RGS6: variants seen among roughly 807,000 people sequenced by gnomAD.
The protein encoded by RGS6 is regulator of G-protein signaling 6.
Under a neutral mutation model 78.5 loss-of-function variants are expected in RGS6, and 30 were observed. The ratio of observed to expected loss-of-function variants is 0.38; its 90% CI spans 0.29 to 0.52. RGS6 has a LOEUF of 0.52. Among genes scored for constraint, RGS6 ranks in the 20% least tolerant of loss-of-function variants. The probability of loss-of-function intolerance (pLI) is 0.85; values close to 1 mark genes in which losing one functional copy is unlikely to be tolerated. For missense variants in RGS6, 495 were observed against 609.7 expected, an observed-to-expected ratio of 0.81 and a Z score of 1.98; for synonymous variants, 206 against 206.0, an observed-to-expected ratio of 1.00 and a Z score of 0.00.
chr14:72,034,260 A>G (rs1156871190), intron 2 of RGS6, among the ~76,000 whole-genome samples: 1 of 152,110 alleles, frequency 6.6e-6, no homozygotes, highest in Non-Finnish European at 1.5e-5. Flanking sequence ...ACTTAAAGGA[A>G]AAGCTTTCAG....
intron 3 of RGS6, among the ~76,000 whole-genome samples, chr14:72,445,764 A>G (rs770289752): frequency 6.6e-6 from 1 of 152,246 alleles, no homozygotes; most frequent in Non-Finnish European, 1.5e-5. Flanking sequence ...CAGAACTAAC[A>G]GGGTCCCTGC....
At chr14:71,981,629 G>A (rs1241461688) in intron 2 of RGS6, among the ~76,000 whole-genome samples, 1 of 151,938 alleles carries the variant, frequency 6.6e-6, no homozygotes, top group Non-Finnish European at 1.5e-5. Context: ...TACTTGAGGA[G>A]GCAGTCTGCC....
At chr14:72,143,436 CT>C (rs947488925) in intron 2 of RGS6, among the ~76,000 whole-genome samples, 7 of 152,092 alleles carry the variant, frequency 4.6e-5, no homozygotes, top group African/African-American at 1.7e-4. Context: ...CTCCATTTAC[CT>C]TTTATTTGTT....
intron 2 of RGS6, among the ~76,000 whole-genome samples, chr14:72,120,418 C>T (rs2096017426): frequency 6.6e-5 from 10 of 152,200 alleles, no homozygotes; most frequent in Admixed American, 5.9e-4. Flanking sequence ...GTAGCAATCC[C>T]TGAGGTACCT....
intron 2 of RGS6, among the ~76,000 whole-genome samples, chr14:72,233,139 C>G (rs1483687985): frequency 6.6e-6 from 1 of 152,196 alleles, no homozygotes; most frequent in East Asian, 1.9e-4. Flanking sequence ...TCATCCTAGT[C>G]AGGTCCTTCA....
intron 3 of RGS6, among the ~76,000 whole-genome samples, chr14:72,399,316 T>A (rs1198002347): frequency 2.0e-5 from 3 of 152,184 alleles, no homozygotes; most frequent in African/African-American, 4.8e-5. Flanking sequence ...TGATCTTTGT[T>A]GATTTAAAGT....
chr14:71,990,965 A>G (rs7156200), intron 2 of RGS6: 2 of 413,204 alleles, frequency 4.8e-6, no homozygotes, highest in Admixed American at 2.7e-5. Context: ...TGACAGGCCT[A>G]ATCACTCACC....
rs553498507 is a variant in RGS6 at position 72,223,920 on chromosome 14, G to A, written c.85-128175G>A. Among the ~76,000 whole-genome samples, 14 of 152,342 alleles carry A rather than the reference G, an allele frequency of 9.2e-5. No individual in the cohort carries two copies. The South Asian group carries it at 1.7e-3, about 18-fold the overall frequency. On this transcript the variant is annotated intron_variant, in intron 2 of 17. Coordinates refer to ENST00000553525, the MANE Select transcript of RGS6 (RefSeq NM_001204424.2). ...GTGGTTAGTAAGCACCCCAGATTAC[G>A]CCTAGGCGTGCTGAAATTGAGAACC...
intron 2 of RGS6, among the ~76,000 whole-genome samples, chr14:72,169,255 C>T (rs533427191): frequency 1.3e-5 from 2 of 152,184 alleles, no homozygotes; most frequent in East Asian, 1.9e-4. Context: ...CTCAGGAATA[C>T]GTTTTTTGAT....
chr14:72,097,711 C>T (rs1309792842), intron 2 of RGS6, among the ~76,000 whole-genome samples: 2 of 152,074 alleles, frequency 1.3e-5, no homozygotes, highest in African/African-American at 4.8e-5. Flanking sequence ...CCCACTTAGC[C>T]CAGATGCAGC....
intron 13 of RGS6, among the ~76,000 whole-genome samples, chr14:72,502,735 G>C (rs769841047): frequency 6.6e-6 from 1 of 152,090 alleles, no homozygotes; most frequent in Admixed American, 6.5e-5. Flanking sequence ...TTGCACTCCA[G>C]CCTGAGCGAC....
intron 2 of RGS6, among the ~76,000 whole-genome samples, chr14:71,973,357 GT>G (rs200099597): frequency 1.4e-5 from 2 of 146,544 alleles, no homozygotes; most frequent in South Asian, 2.2e-4. Flanking sequence ...CTTAGGGCTT[GT>G]TTTTTTTCAC....
At chr14:72,522,828 A>G (rs948756141) in intron 15 of RGS6, among the ~76,000 whole-genome samples, 1 of 152,256 alleles carries the variant, frequency 6.6e-6, no homozygotes, top group Non-Finnish European at 1.5e-5. Context: ...GCACATGGTC[A>G]TGAAAATTAT....
the RGS6 span, among the ~76,000 whole-genome samples, chr14:71,909,918 T>A: frequency 6.6e-6 from 1 of 152,112 alleles, no homozygotes; most frequent in South Asian, 2.1e-4. Context: ...CCAGGTGCGG[T>A]GGCTCATGCC....
intron 2 of RGS6, among the ~76,000 whole-genome samples, chr14:72,237,047 C>T (rs1178444061): frequency 6.6e-6 from 1 of 152,144 alleles, no homozygotes; most frequent in African/African-American, 2.4e-5. Context: ...TTTCCTAGAA[C>T]TGTATACAGT....
Position 72,562,635 on chromosome 14 carries a change from A to T in RGS6, c.*168A>T. On this transcript the variant is annotated 3_prime_UTR_variant, in exon 18 of 18. Transcript: ENST00000553525. ...GGGGAGACTCGGTGGGTGAATGGGG[A>T]GACCAGAAAGAAAGAGTCCACAGAG... is the stretch of plus-strand genomic sequence containing the variant. 5 of 1,533,768 alleles carry T rather than the reference A, an allele frequency of 3.3e-6. No individual in the cohort carries two copies. Among genetic ancestry groups the T allele is most frequent in the Non-Finnish European group, 4.4e-6 (5 of 1,145,902 alleles).
At chr14:72,194,940 C>T (rs1363853911) in intron 2 of RGS6, among the ~76,000 whole-genome samples, 1 of 152,104 alleles carries the variant, frequency 6.6e-6, no homozygotes, top group African/African-American at 2.4e-5. Flanking sequence ...GGTGCAGTGG[C>T]TCACACCTGT....
intron 2 of RGS6, among the ~76,000 whole-genome samples, chr14:72,167,350 C>T (rs2096942263): frequency 1.3e-5 from 2 of 152,218 alleles, no homozygotes; most frequent in Non-Finnish European, 2.9e-5. Flanking sequence ...ACAGAAGTCA[C>T]AATTATATAT....
intron 6 of RGS6, among the ~76,000 whole-genome samples, chr14:72,464,281 ACT>A (rs910132690): frequency 4.6e-5 from 7 of 152,130 alleles, no homozygotes; most frequent in East Asian, 1.9e-4. Context: ...TAGAAGCAAC[ACT>A]CTCTCTCTTT....
Sources: allele counts gnomAD v4.1 joint callset (sites outside exome capture counted in the v4.1 genomes callset), GRCh38; gene constraint gnomAD v4.1.1; transcripts MANE v1.5; gene names NCBI Gene and HGNC (gene_info 2026-07-23, HGNC 2026-07-21).